The following PUDP variants were observed in gnomAD, a reference collection of about 807,000 sequenced individuals.
PUDP encodes pseudouridine 5'-phosphatase, also known as pseudouridine-5'-phosphatase.
In PUDP, 8 loss-of-function variants were observed where a neutral mutation model predicts 9.4. That is an observed-to-expected ratio of 0.85 (90% CI 0.50 to 1.53). The LOEUF (loss-of-function observed/expected upper bound fraction) is 1.53, where lower values mean the gene tolerates loss of function less well. PUDP is among the 40% of genes most tolerant of loss of function. The pLI, the probability that PUDP is intolerant of heterozygous loss-of-function variation, is 0.00. For missense variants in PUDP, 188 were observed against 189.7 expected (o/e 0.99, Z 0.05); for synonymous variants, 99 against 80.7 (o/e 1.23, Z -1.22).
At chrX:6,722,248 C>CTG (rs1924682964), upstream of PUDP, among the ~76,000 whole-genome samples, 1 of 111,118 alleles carries the variant, frequency 9.0e-6, no homozygotes, top group Non-Finnish European at 1.9e-5. Flanking sequence ...CAGTTCAAGA[C>CTG]CAGCCTGGCA....
chrX:6,729,017 C>T (rs1278006034), intron 3 of PUDP, among the ~76,000 whole-genome samples: 3 of 111,478 alleles, frequency 2.7e-5, no homozygotes, highest in Non-Finnish European at 5.6e-5. Context: ...CATGATTAGA[C>T]TAAGGTTAGG....
intron 2 of PUDP, among the ~76,000 whole-genome samples, chrX:7,089,099 G>C (rs1353109790): frequency 8.9e-6 from 1 of 111,761 alleles, no homozygotes; most frequent in Non-Finnish European, 1.9e-5. Context: ...TTCAGATGTG[G>C]GTTGCCACAA....
chrX:7,117,574 T>G (rs976669030), intron 1 of PUDP, among the ~76,000 whole-genome samples: 10 of 112,325 alleles, frequency 8.9e-5, no homozygotes, highest in Admixed American at 9.4e-5. Flanking sequence ...AATGACAAAG[T>G]TGGAAGTTAT....
At chrX:6,878,208 T>A (rs1400206383) in intron 3 of PUDP, among the ~76,000 whole-genome samples, 1 of 111,947 alleles carries the variant, frequency 8.9e-6, no homozygotes, top group African/African-American at 3.2e-5. Flanking sequence ...CAAGTTTAAA[T>A]CAAAGAGCAG....
intron 3 of PUDP, among the ~76,000 whole-genome samples, chrX:7,050,807 A>T (rs1930080258): frequency 8.9e-6 from 1 of 112,598 alleles, no homozygotes; most frequent in Non-Finnish European, 1.9e-5. Context: ...CAATAATTGA[A>T]CATTCAGAGT....
At chrX:6,714,878 T>G (rs1324292580) in intron 1 of PUDP, among the ~76,000 whole-genome samples, 1 of 111,412 alleles carries the variant, frequency 9.0e-6, no homozygotes, top group African/African-American at 3.3e-5. Context: ...TCAGAACTTA[T>G]GTGTCCTAAA....
At chrX:6,835,776 G>A (rs55796866) in intron 3 of PUDP, among the ~76,000 whole-genome samples, 33,878 of 110,332 alleles carry the variant, frequency 0.31, 3,848 homozygotes, top group South Asian at 0.37. Context: ...ACAGTGGTGC[G>A]ATCTCAGCTC....
At chrX:7,147,981 T>C in intron 1 of PUDP, 72 bp downstream of exon 1, 2 of 836,874 alleles carry the variant, frequency 2.4e-6, no homozygotes, top group Admixed American at 5.9e-5. Flanking sequence ...GGCCGTGACG[T>C]ACCCCGCGCC....
At chrX:6,794,571 ATT>A (rs758259698) in intron 3 of PUDP, among the ~76,000 whole-genome samples, 4 of 99,631 alleles carry the variant, frequency 4.0e-5, no homozygotes, top group Non-Finnish European at 2.1e-5. Flanking sequence ...TCTTTCTTTA[ATT>A]TTTTTTTTTT....
At chrX:6,800,352 A>G (rs780746954) in intron 3 of PUDP, among the ~76,000 whole-genome samples, 5 of 111,973 alleles carry the variant, frequency 4.5e-5, no homozygotes, top group African/African-American at 1.6e-4. Context: ...AATAGAAGAA[A>G]TCTCTCCATT....
At chrX:6,996,635 T>G (rs1223087368) in intron 1 of PUDP, among the ~76,000 whole-genome samples, 1 of 106,701 alleles carries the variant, frequency 9.4e-6, no homozygotes, top group Non-Finnish European at 1.9e-5. Context: ...TGTGTGTATA[T>G]ATATATGTGT....
At chrX:6,757,025 G>A (rs967467420) in intron 3 of PUDP, among the ~76,000 whole-genome samples, 1 of 112,211 alleles carries the variant, frequency 8.9e-6, no homozygotes, top group Admixed American at 9.5e-5. Flanking sequence ...TGTTCCCTCC[G>A]AAGTAGAGAA....
chrX:6,751,181 A>G (rs188971002), intron 3 of PUDP, among the ~76,000 whole-genome samples: 48 of 110,132 alleles, frequency 4.4e-4, no homozygotes, highest in African/African-American at 1.3e-3. Context: ...AAGAAAGAAA[A>G]AAAGAAAGAA....
intron 3 of PUDP, among the ~76,000 whole-genome samples, chrX:7,075,611 G>C (rs995199286): frequency 8.9e-6 from 1 of 111,934 alleles, no homozygotes; most frequent in Admixed American, 9.4e-5. Context: ...AATCGTCAGT[G>C]ATGTCATCAC....
intron 3 of PUDP, among the ~76,000 whole-genome samples, chrX:6,769,080 A>T (rs921120022): frequency 3.6e-5 from 4 of 111,852 alleles, no homozygotes; most frequent in African/African-American, 1.3e-4. Context: ...CTAAGAATGG[A>T]TCTTGAACAC....
At chrX:7,064,611 C>T (rs1930495059) in intron 3 of PUDP, among the ~76,000 whole-genome samples, 1 of 111,236 alleles carries the variant, frequency 9.0e-6, no homozygotes, top group Admixed American at 9.5e-5. Context: ...CCAGTTTGCA[C>T]CAACCTCTCC....
intron 3 of PUDP, among the ~76,000 whole-genome samples, chrX:6,806,257 T>G (rs1215139244): frequency 8.9e-6 from 1 of 112,235 alleles, no homozygotes; most frequent in Non-Finnish European, 1.9e-5. Flanking sequence ...TCTAAGCATC[T>G]TCCAGCAACA....
At chrX:6,975,073 G>A (rs1928932811) in intron 3 of PUDP, among the ~76,000 whole-genome samples, 1 of 109,515 alleles carries the variant, frequency 9.1e-6, no homozygotes, top group African/African-American at 3.3e-5. Flanking sequence ...GGTCATTTAT[G>A]TTCTTCTCTA....
At chrX:6,760,789 A>G (rs1370148515) in intron 3 of PUDP, among the ~76,000 whole-genome samples, 3 of 111,978 alleles carry the variant, frequency 2.7e-5, no homozygotes, top group South Asian at 7.5e-4. Context: ...TAAAATTAGC[A>G]TCAAATTAGT....
Sources: gnomAD v4.1 joint callset for allele counts (sites outside exome capture counted in the v4.1 genomes callset) on GRCh38, gnomAD v4.1.1 for gene constraint, MANE v1.5 for transcripts, NCBI Gene and HGNC (gene_info 2026-07-23, HGNC 2026-07-21) for gene names.